GALNT13: variants seen among roughly 807,000 people sequenced by gnomAD.
GALNT13 encodes the protein UDP-GalNAc:polypeptide N-acetylgalactosaminyltransferase 13.
GALNT13 carries 28 observed loss-of-function variants against 64.2 expected under a neutral mutation model. The ratio of observed to expected loss-of-function variants is 0.44; its 90% CI spans 0.32 to 0.60. GALNT13 has a LOEUF of 0.60. Among genes scored for constraint, GALNT13 ranks in the 20% least tolerant of loss-of-function variants. The pLI, the probability that GALNT13 is intolerant of heterozygous loss-of-function variation, is 0.05. For synonymous variants in GALNT13, 214 were observed against 224.6 expected (o/e 0.95, Z 0.42); for missense variants, 577 against 669.8 (o/e 0.86, Z 1.53).
At chr2:153,678,890 A>G in the GALNT13 span, among the ~76,000 whole-genome samples, 3 of 151,968 alleles carry the variant, frequency 2.0e-5, no homozygotes, top group Admixed American at 1.3e-4. Context: ...TTCCCTCCCT[A>G]TATGCTTCCC....
At chr2:153,115,941 A>G in the GALNT13 span, among the ~76,000 whole-genome samples, 2 of 152,134 alleles carry the variant, frequency 1.3e-5, no homozygotes, top group African/African-American at 4.8e-5. Flanking sequence ...TTTTCCAAGG[A>G]GTATTTTATT....
chr2:154,433,522 A>G (rs912640049), intron 11 of GALNT13, among the ~76,000 whole-genome samples: 3 of 152,182 alleles, frequency 2.0e-5, no homozygotes, highest in African/African-American at 7.2e-5. Context: ...ATTGATTAGC[A>G]GACTGGGTGA....
chr2:153,710,417 G>A, the GALNT13 span, among the ~76,000 whole-genome samples: 1 of 151,988 alleles, frequency 6.6e-6, no homozygotes, highest in Non-Finnish European at 1.5e-5. Flanking sequence ...ATAATATCTC[G>A]ATACTATTAT....
intron 9 of GALNT13, among the ~76,000 whole-genome samples, chr2:154,359,924 G>C (rs758733473): frequency 1.5e-4 from 23 of 152,056 alleles, no homozygotes; most frequent in Admixed American, 1.4e-3. Flanking sequence ...AAGGCAATCT[G>C]TTAAGGTAGA....
At chr2:154,129,428 A>G (rs955785136) in intron 3 of GALNT13, among the ~76,000 whole-genome samples, 1 of 152,176 alleles carries the variant, frequency 6.6e-6, no homozygotes, top group Non-Finnish European at 1.5e-5. Flanking sequence ...CCCAGCATGA[A>G]TAGGTGAGTA....
chr2:154,067,747 T>C (rs1387005781), intron 3 of GALNT13, among the ~76,000 whole-genome samples: 1 of 152,050 alleles, frequency 6.6e-6, no homozygotes. Context: ...AAGCTAAGAC[T>C]TGAAACTATG....
the GALNT13 span, among the ~76,000 whole-genome samples, chr2:153,854,409 G>A: frequency 2.0e-5 from 3 of 151,778 alleles, no homozygotes; most frequent in Admixed American, 6.6e-5. Flanking sequence ...GTGAAACCCC[G>A]TTTCTACTAA....
At chr2:153,792,058 C>T in the GALNT13 span, among the ~76,000 whole-genome samples, 129 of 152,146 alleles carry the variant, frequency 8.5e-4, no homozygotes, top group Middle Eastern at 3.4e-3. Flanking sequence ...ACCCCTAAAC[C>T]TAAAATAAAA....
At chr2:153,725,525 G>C in the GALNT13 span, among the ~76,000 whole-genome samples, 1 of 151,580 alleles carries the variant, frequency 6.6e-6, no homozygotes, top group Non-Finnish European at 1.5e-5. Context: ...AGATGCAGTA[G>C]TTCTTTTTAA....
At chr2:154,270,390 T>G (rs1166709746) in intron 8 of GALNT13, among the ~76,000 whole-genome samples, 1 of 151,994 alleles carries the variant, frequency 6.6e-6, no homozygotes, top group African/African-American at 2.4e-5. Context: ...TTTATATTCA[T>G]TTAATTATTT....
the GALNT13 span, among the ~76,000 whole-genome samples, chr2:153,253,272 C>T: frequency 2.3e-4 from 34 of 148,388 alleles, no homozygotes; most frequent in East Asian, 6.0e-3. Flanking sequence ...CTCTGTTTGT[C>T]TGTTGTTGGT....
the GALNT13 span, among the ~76,000 whole-genome samples, chr2:153,600,234 C>T: frequency 6.6e-6 from 1 of 151,848 alleles, no homozygotes; most frequent in Non-Finnish European, 1.5e-5. Context: ...CTTGGATTAA[C>T]TGTTGAGTAA....
the GALNT13 span, among the ~76,000 whole-genome samples, chr2:153,602,896 A>G: frequency 6.6e-6 from 1 of 151,886 alleles, no homozygotes; most frequent in Non-Finnish European, 1.5e-5. Flanking sequence ...CAGCAAACCA[A>G]AGTAGAAATG....
the GALNT13 span, among the ~76,000 whole-genome samples, chr2:153,185,229 A>T: frequency 6.6e-6 from 1 of 151,844 alleles, no homozygotes; most frequent in African/African-American, 2.4e-5. Context: ...TTTCTTCTAG[A>T]TTTTCTAGCT....
the GALNT13 span, among the ~76,000 whole-genome samples, chr2:153,722,484 AC>A: frequency 1.4e-5 from 2 of 148,020 alleles, no homozygotes; most frequent in Admixed American, 6.6e-5. Context: ...AAATAGAGAC[AC>A]AAAAAACCCT....
At chr2:153,376,583 A>G in the GALNT13 span, among the ~76,000 whole-genome samples, 1 of 152,256 alleles carries the variant, frequency 6.6e-6, no homozygotes, top group African/African-American at 2.4e-5. Context: ...CAAACAGGGT[A>G]AAATCTGCAA....
the GALNT13 span, among the ~76,000 whole-genome samples, chr2:153,350,391 T>G: frequency 1.2e-4 from 18 of 149,460 alleles, no homozygotes; most frequent in African/African-American, 4.2e-4. Context: ...TTTCTTTTTT[T>G]TTTTTTTTTG....
chr2:154,340,577 A>G (rs1449579020), intron 9 of GALNT13, among the ~76,000 whole-genome samples: 2 of 152,046 alleles, frequency 1.3e-5, no homozygotes, highest in African/African-American at 4.8e-5. Flanking sequence ...GTAAAAAGGA[A>G]TTTTTCTAAG....
intron 3 of GALNT13, among the ~76,000 whole-genome samples, chr2:154,025,111 G>C (rs934525661): frequency 5.3e-5 from 8 of 152,152 alleles, no homozygotes; most frequent in African/African-American, 1.9e-4. Context: ...CTACTGGGGG[G>C]TGCCTCCCAG....
Sources: gnomAD v4.1 joint callset for allele counts (sites outside exome capture counted in the v4.1 genomes callset) on GRCh38, gnomAD v4.1.1 for gene constraint, MANE v1.5 for transcripts, NCBI Gene and HGNC (gene_info 2026-07-23, HGNC 2026-07-21) for gene names.